NDUFA10: variants seen among roughly 807,000 people sequenced by gnomAD.
The protein encoded by NDUFA10 is NADH dehydrogenase [ubiquinone] 1 alpha subcomplex subunit 10, mitochondrial.
Under a neutral mutation model 47.8 loss-of-function variants are expected in NDUFA10, and 40 were observed. The observed-to-expected ratio is 0.84, with a 90% CI of 0.65 to 1.09. NDUFA10 has a LOEUF of 1.09. NDUFA10 is among the 50% of genes least tolerant of loss of function. NDUFA10 has a pLI of 0.00. For missense variants in NDUFA10, 413 were observed against 451.1 expected (o/e 0.92, Z 0.76); for synonymous variants, 183 against 172.2 (o/e 1.06, Z -0.49).
At chr2:240,023,804 C>T (rs1021200740) in intron 1 of NDUFA10, among the ~76,000 whole-genome samples, 1 of 152,180 alleles carries the variant, frequency 6.6e-6, no homozygotes, top group Non-Finnish European at 1.5e-5. Context: ...CAAGGCAAAG[C>T]AGACAACCCA....
intron 4 of NDUFA10, among the ~76,000 whole-genome samples, chr2:240,015,448 C>A (rs1474341390): frequency 1.3e-5 from 2 of 152,206 alleles, no homozygotes; most frequent in Non-Finnish European, 2.9e-5. Flanking sequence ...GCTTTAAATA[C>A]TTTATTTTTC....
At chr2:239,972,632 C>G (rs1261631850) in intron 9 of NDUFA10, among the ~76,000 whole-genome samples, 1 of 152,140 alleles carries the variant, frequency 6.6e-6, no homozygotes, top group Non-Finnish European at 1.5e-5. Flanking sequence ...AATCTTTTAA[C>G]AGTCAACTTT....
At chr2:239,985,815 G>T (rs1446205686) in intron 9 of NDUFA10, among the ~76,000 whole-genome samples, 1 of 151,740 alleles carries the variant, frequency 6.6e-6, no homozygotes, top group Non-Finnish European at 1.5e-5. Context: ...GGAGGCTGAG[G>T]CAGCAGAATC....
intron 9 of NDUFA10, among the ~76,000 whole-genome samples, chr2:239,966,855 T>C (rs1237789810): frequency 2.9e-5 from 3 of 103,314 alleles, no homozygotes; most frequent in East Asian, 3.3e-4. Flanking sequence ...TTTCTTTTTT[T>C]TTTTTTTTTT....
At chr2:239,975,037 T>C (rs1186477638) in intron 9 of NDUFA10, among the ~76,000 whole-genome samples, 1 of 132,998 alleles carries the variant, frequency 7.5e-6, no homozygotes, top group African/African-American at 3.0e-5. Context: ...CATTTAAAAA[T>C]ATGTGACAGA....
intron 4 of NDUFA10, among the ~76,000 whole-genome samples, chr2:239,946,572 G>A (rs1170706307): frequency 2.0e-5 from 3 of 152,184 alleles, no homozygotes; most frequent in South Asian, 2.1e-4. Context: ...CAACACTCAC[G>A]GACGCTACAC....
intron 8 of NDUFA10, among the ~76,000 whole-genome samples, chr2:239,997,786 G>A (rs1696541539): frequency 6.6e-6 from 1 of 152,208 alleles, no homozygotes; most frequent in Non-Finnish European, 1.5e-5. Context: ...GGCTTTGAGA[G>A]CTATATACAG....
At chr2:239,939,630 G>A (rs1003309774) in intron 4 of NDUFA10, among the ~76,000 whole-genome samples, 1 of 152,258 alleles carries the variant, frequency 6.6e-6, no homozygotes, top group Admixed American at 6.5e-5. Context: ...TATTTGTAAT[G>A]TCTAAAGTTT....
rs1467944040 is a variant in NDUFA10 at position 239,945,276 on chromosome 2, C to T, written c.294+44798G>A. ...TTCATTTGCACAACCGCAGCGGCAG[C>T]GCCATCATTCCTCCTGCTTTGCAGC... is the stretch of plus-strand genomic sequence containing the variant. On this transcript the variant is annotated intron_variant, in intron 4 of 5. Coordinates refer to the NDUFA10 transcript ENST00000419408. The surrounding 1 kb of genome is among the most constrained non-coding windows in gnomAD (Gnocchi z 4.6). Among the ~76,000 whole-genome samples, 3 of 152,340 alleles carry T rather than the reference C, an allele frequency of 2.0e-5. No homozygotes were observed. Among genetic ancestry groups the T allele is most frequent in the Middle Eastern group, 3.4e-3 (1 of 294 alleles).
At chr2:239,914,140 C>A (rs77263491) in intron 4 of NDUFA10, among the ~76,000 whole-genome samples, 6,927 of 152,126 alleles carry the variant, frequency 0.046, 434 homozygotes, top group African/African-American at 0.15. Flanking sequence ...TACAGATACA[C>A]ACACAGAGAT....
At chr2:240,025,107 C>A (rs1340397800) in intron 1 of NDUFA10, 120 bp downstream of exon 1, 2 of 1,063,542 alleles carry the variant, frequency 1.9e-6, no homozygotes, top group Non-Finnish European at 2.5e-6. Context: ...TCCCCCAAAC[C>A]CACCCGGAGA....
chr2:239,961,275 T>G (rs1164491292), intron 9 of NDUFA10, 89 bp from the exon 10 acceptor site: 2 of 1,598,242 alleles, frequency 1.3e-6, no homozygotes, highest in Non-Finnish European at 1.7e-6. Flanking sequence ...GGCAGATGCC[T>G]GTACTTCATG....
chr2:240,011,571 G>A (rs1697145000), intron 6 of NDUFA10, 46 bp downstream of exon 6: 3 of 1,483,754 alleles, frequency 2.0e-6, no homozygotes, highest in Non-Finnish European at 2.8e-6. Context: ...AGAAACGAGT[G>A]GCGAAGAAGT....
chr2:240,010,036 T>C (rs1697080843), intron 6 of NDUFA10, among the ~76,000 whole-genome samples: 1 of 152,252 alleles, frequency 6.6e-6, no homozygotes, highest in African/African-American at 2.4e-5. Context: ...CATAGTGAAT[T>C]TCTATGAGAA....
chr2:239,979,755 T>C (rs1227697172), intron 9 of NDUFA10, among the ~76,000 whole-genome samples: 1 of 152,086 alleles, frequency 6.6e-6, no homozygotes, highest in African/African-American at 2.4e-5. Flanking sequence ...ACCCAGATGA[T>C]GCCACTCTCT....
chr2:239,998,593 C>T (rs898498596), intron 8 of NDUFA10, among the ~76,000 whole-genome samples: 1 of 152,186 alleles, frequency 6.6e-6, no homozygotes, highest in Non-Finnish European at 1.5e-5. Flanking sequence ...GCAGCAAACT[C>T]AGCCCTACCA....
chr2:239,964,892 G>A (rs548121392), intron 9 of NDUFA10, among the ~76,000 whole-genome samples: 1 of 152,300 alleles, frequency 6.6e-6, no homozygotes, highest in East Asian at 1.9e-4. Context: ...ATCACCGAAA[G>A]GTTTTCCCGT....
intron 4 of NDUFA10, among the ~76,000 whole-genome samples, chr2:239,948,137 T>C (rs1350856688): frequency 6.6e-6 from 1 of 152,188 alleles, no homozygotes; most frequent in East Asian, 1.9e-4. Context: ...CAGGATTGTG[T>C]ACAATTCTTA....
intron 4 of NDUFA10, among the ~76,000 whole-genome samples, chr2:239,915,125 C>T: frequency 7.1e-6 from 1 of 141,262 alleles, no homozygotes; most frequent in Non-Finnish European, 1.5e-5. Flanking sequence ...AGAACACACA[C>T]ATACACAGAC....
Sources: allele counts gnomAD v4.1 joint callset (sites outside exome capture counted in the v4.1 genomes callset), GRCh38; gene constraint gnomAD v4.1.1; non-coding constraint Gnocchi (gnomAD v3.1); transcripts MANE v1.5; gene names NCBI Gene and HGNC (gene_info 2026-07-23, HGNC 2026-07-21).